Variants in TAF5L observed in about 807,000 individuals in gnomAD.
TAF5L encodes TAF5-like RNA polymerase II p300/CBP-associated factor-associated factor 65 kDa subunit 5L.
A neutral mutation model predicts 51.3 loss-of-function variants in TAF5L; 7 were observed. The ratio of observed to expected loss-of-function variants is 0.14; its 90% CI spans 0.08 to 0.26. The LOEUF (loss-of-function observed/expected upper bound fraction) is 0.26, where lower values mean the gene tolerates loss of function less well. TAF5L is among the 10% of genes least tolerant of loss of function. The pLI is 1.00. For missense variants in TAF5L, 575 were observed against 758.9 expected (o/e 0.76, Z 2.85); for synonymous variants, 291 against 308.1 (o/e 0.94, Z 0.58).
intron 1 of TAF5L, among the ~76,000 whole-genome samples, chr1:229,616,768 C>T (rs1482397926): frequency 1.3e-5 from 2 of 152,142 alleles, no homozygotes; most frequent in African/African-American, 4.8e-5. Flanking sequence ...GAGACATACT[C>T]ACAAGTATAT....
chr1:229,616,487 T>C (rs557382987), intron 1 of TAF5L, among the ~76,000 whole-genome samples: 31 of 152,190 alleles, frequency 2.0e-4, no homozygotes, highest in African/African-American at 7.2e-4. Flanking sequence ...ATTACAGGCA[T>C]GAGCTACCAT....
chr1:229,622,384 A>G (rs1215837869), intron 1 of TAF5L, among the ~76,000 whole-genome samples: 1 of 152,104 alleles, frequency 6.6e-6, no homozygotes, highest in East Asian at 1.9e-4. Context: ...CTTTTGGGGG[A>G]AAACCTTGCT....
intron 1 of TAF5L, among the ~76,000 whole-genome samples, chr1:229,615,617 G>GAA (rs1199492928): frequency 2.2e-5 from 3 of 135,124 alleles, no homozygotes; most frequent in Admixed American, 7.4e-5. Flanking sequence ...AAGGGAAAAA[G>GAA]AAAAAAAAAA....
chr1:229,603,903 T>C (rs1257028117), intron 3 of TAF5L, among the ~76,000 whole-genome samples: 1 of 152,198 alleles, frequency 6.6e-6, no homozygotes, highest in Non-Finnish European at 1.5e-5. Context: ...CCCAAGGAGC[T>C]GAGACCAGCC....
rs578103960 is a variant in TAF5L, at chr1:229,604,878, T to C, written c.248-1959A>G. ...GTGTGAATATCTATATATAGATATA[T>C]AAAAAGAAAATATCTTCGCATTCTT... On this transcript the variant is annotated intron_variant, in intron 3 of 4. Transcript: ENST00000258281. Among the ~76,000 whole-genome samples the C allele has an allele frequency of 5.3e-4, 81 of 152,324 alleles. 2 individuals carry two copies. Among genetic ancestry groups the C allele is most frequent in the Admixed American group, 1.4e-3 (22 of 15,296 alleles).
At chr1:229,600,252 C>T (rs1276920964) in intron 4 of TAF5L, 6 of 985,042 alleles carry the variant, frequency 6.1e-6, no homozygotes, top group African/African-American at 3.5e-5. Context: ...ATAAAATGGG[C>T]GGGCATGCAG....
chr1:229,610,129 C>G lies in TAF5L; in HGVS notation c.224G>C (p.Gly75Ala). 2 of 1,614,154 alleles carry G rather than the reference C, an allele frequency of 1.2e-6. No individual in the cohort carries two copies. Among genetic ancestry groups the G allele is most frequent in the Non-Finnish European group, 1.7e-6 (2 of 1,180,002 alleles). ...ACCAGTGAGAAAATTCCGCAGTCGT[C>G]CAAACTGTACTTCATATTGCTGGGG... Residue 75 changes from glycine to alanine, a missense_variant, in exon 3 of 5, where the codon GGA becomes GCA. Gly to Ala is a moderately conservative substitution (Grantham distance 60). Around this residue, in one of 3 missense-constraint regions of TAF5L, gnomAD observed 380 missense variants for 443.7 expected, o/e 0.86. Coordinates refer to ENST00000258281, the Ensembl canonical transcript of TAF5L.
rs1485757079 is a variant in TAF5L at position 229,602,381 on chromosome 1, A to G, written c.786T>C (p.Tyr262=). Residue 262 remains tyrosine, a synonymous_variant, in exon 4 of 5, where the codon TAT becomes TAC. Transcript: ENST00000258281. The surrounding 1 kb of genome is among the most constrained non-coding windows in gnomAD (Gnocchi z 4.6). ...ACAGCTGCTCTGTGTTATAGAAGGCATAGAAGCAGATGGTAGTGAGGGAGG... is the reference window on the plus strand; with the variant it reads ...ACAGCTGCTCTGTGTTATAGAAGGCGTAGAAGCAGATGGTAGTGAGGGAGG... 1 of 1,614,066 alleles carries G rather than the reference A, an allele frequency of 6.2e-7. No homozygotes were observed. Among genetic ancestry groups the G allele is most frequent in the African/African-American group, 1.3e-5 (1 of 74,914 alleles).
At chr1:229,610,812 T>C (rs796647479) in intron 2 of TAF5L, among the ~76,000 whole-genome samples, 38 of 152,336 alleles carry the variant, frequency 2.5e-4, no homozygotes, top group African/African-American at 7.9e-4. Flanking sequence ...TTACTTATAA[T>C]ACCTAATGAG....
At position 229,602,642 on chromosome 1, in the gene TAF5L, A is replaced by T; in HGVS notation, c.525T>A (p.Leu175=). 1 of 1,614,158 alleles carries T rather than the reference A, an allele frequency of 6.2e-7. No homozygotes were observed. The highest frequency in any genetic ancestry group is 8.5e-7 in the Non-Finnish European group (1 of 1,180,018). The stretch of plus-strand genomic sequence containing the variant: ...TGTTGTCACTTTGGAGGTAGCGGAT[A>T]AGGTAGTTGTAGCTGTCTTCTTGGA... Residue 175 remains leucine, a synonymous_variant, in exon 4 of 5, where the codon CTT becomes CTA. Coordinates refer to ENST00000258281, the Ensembl canonical transcript of TAF5L. This position sits in a 1 kb window ranked among gnomAD's most constrained non-coding sequence, Gnocchi z 4.6.
At chr1:229,617,783 C>G (rs537142201) in intron 1 of TAF5L, among the ~76,000 whole-genome samples, 4 of 152,288 alleles carry the variant, frequency 2.6e-5, no homozygotes, top group South Asian at 2.1e-4. Flanking sequence ...TTTAAGATTG[C>G]TAGAAACTAG....
intron 2 of TAF5L, chr1:229,614,097 G>T: frequency 3.0e-6 from 2 of 659,790 alleles, no homozygotes. Context: ...GAAGTCCTGA[G>T]GAAGGAAATG....
In TAF5L at chr1:229,594,492, A is replaced by G; in HGVS notation, c.1575T>C (p.Ile525=). ...CCGAGTTGTCCATGGAGGCAGAGGC[A>G]ATCAAGCCGCTGTCTGGACTGAAGG... is the stretch of plus-strand genomic sequence containing the variant. The change falls in exon 5 of 5, where the codon ATT becomes ATC. Residue 525 remains isoleucine (I), a synonymous_variant. Coordinates refer to ENST00000258281, the Ensembl canonical transcript of TAF5L. This position sits in a 1 kb window ranked among gnomAD's most constrained non-coding sequence, Gnocchi z 7.9. The G allele has an allele frequency of 6.2e-7, 1 of 1,614,080 alleles. No homozygotes were observed. Among genetic ancestry groups the G allele is most frequent in the Non-Finnish European group, 8.5e-7 (1 of 1,179,974 alleles).
intron 4 of TAF5L, chr1:229,601,435 C>T: frequency 2.0e-6 from 2 of 985,420 alleles, no homozygotes; most frequent in Non-Finnish European, 2.4e-6. Flanking sequence ...AAAGTTAATG[C>T]TGTGAAGTTT....
In TAF5L at chr1:229,625,067, C is replaced by G. The variant is rs535638996; in HGVS notation, c.-4+818G>C. On this transcript the variant is annotated intron_variant, in intron 1 of 4. Transcript: ENST00000258281. This position sits in a 1 kb window ranked among gnomAD's most constrained non-coding sequence, Gnocchi z 4.0. ...GGGACTGGCACTTACCTTCTGATCCCAGAACCACAAAGACTGCGAGATCCG... is the reference window on the plus strand; with the variant it reads ...GGGACTGGCACTTACCTTCTGATCCGAGAACCACAAAGACTGCGAGATCCG... 3.3e-5 allele frequency among the ~76,000 whole-genome samples: 5 copies of G among 152,342 alleles called. No homozygotes were observed. The East Asian group carries it at 9.6e-4, about 29-fold the overall frequency.
chr1:229,597,931 C>T (rs1412099325), intron 4 of TAF5L, among the ~76,000 whole-genome samples: 1 of 152,168 alleles, frequency 6.6e-6, no homozygotes, highest in Non-Finnish European at 1.5e-5. Flanking sequence ...CTCACACTCA[C>T]GTTTCCCCCA....
chr1:229,604,669 CTGAAGAA>C (rs1357245471), intron 3 of TAF5L, among the ~76,000 whole-genome samples: 2 of 152,132 alleles, frequency 1.3e-5, no homozygotes, highest in African/African-American at 4.8e-5. Flanking sequence ...GCCCACACCC[CTGAAGAA>C]TGAAGGTTTG....
Position 229,610,566 on chromosome 1 carries a change from T to G in TAF5L, c.143-356A>C, listed in dbSNP as rs777261357. ...TTGGTGTGGGTTCATTGTCAATCACTGTGCTGGGCACTTAGTGGGCCCTTT... is the reference window on the plus strand; with the variant it reads ...TTGGTGTGGGTTCATTGTCAATCACGGTGCTGGGCACTTAGTGGGCCCTTT... On this transcript the variant is annotated intron_variant, in intron 2 of 4. Coordinates refer to ENST00000258281, the Ensembl canonical transcript of TAF5L. 3.9e-5 allele frequency among the ~76,000 whole-genome samples: 6 copies of G among 152,356 alleles called. No homozygotes were observed. The East Asian group carries it at 1.2e-3, about 29-fold the overall frequency.
At chr1:229,607,346 CCATTCCTCTTA>C (rs1558149476) in intron 3 of TAF5L, 1 of 985,334 alleles carries the variant, frequency 1.0e-6, no homozygotes, top group African/African-American at 1.7e-5. Context: ...AGTCTCCCTG[CCATTCCTCTTA>C]CAAATAATTT....
Sources: allele counts gnomAD v4.1 joint callset (sites outside exome capture counted in the v4.1 genomes callset), GRCh38; gene constraint gnomAD v4.1.1; regional missense constraint gnomAD v4.1.1; non-coding constraint Gnocchi (gnomAD v3.1); transcripts MANE v1.5; gene names NCBI Gene and HGNC (gene_info 2026-07-23, HGNC 2026-07-21).